ELMOD1: variants seen among roughly 807,000 people sequenced by gnomAD.
ELMOD1 encodes ELMO domain-containing protein 1.
A neutral mutation model predicts 46.7 loss-of-function variants in ELMOD1; 21 were observed. The observed-to-expected ratio is 0.45, with a 90% CI of 0.32 to 0.65. The LOEUF is 0.65. Among genes scored for constraint, ELMOD1 ranks in the 30% least tolerant of loss-of-function variants. The pLI is 0.04. For missense variants in ELMOD1, 348 were observed against 407.8 expected (o/e 0.85, Z 1.26); for synonymous variants, 122 against 138.2 (o/e 0.88, Z 0.82).
At chr11:107,605,470 G>A (rs141994105) in intron 1 of ELMOD1, among the ~76,000 whole-genome samples, 121 of 152,152 alleles carry the variant, frequency 8.0e-4, no homozygotes, top group South Asian at 2.1e-3. Context: ...AAAAGTGCTG[G>A]GATTATGGGC....
chr11:107,652,043 C>CT (rs1255079483), intron 9 of ELMOD1, among the ~76,000 whole-genome samples: 1 of 152,152 alleles, frequency 6.6e-6, no homozygotes, highest in Non-Finnish European at 1.5e-5. Flanking sequence ...AAAATTACCA[C>CT]GCTTTATCCC....
intron 6 of ELMOD1, among the ~76,000 whole-genome samples, chr11:107,641,871 T>G (rs1866328926): frequency 6.7e-6 from 1 of 150,162 alleles, no homozygotes; most frequent in Non-Finnish European, 1.5e-5. Flanking sequence ...TTACAATATC[T>G]AAACTCAGAG....
At chr11:107,601,508 T>G (rs1445321497) in intron 1 of ELMOD1, among the ~76,000 whole-genome samples, 1 of 149,088 alleles carries the variant, frequency 6.7e-6, no homozygotes, top group African/African-American at 2.5e-5. Flanking sequence ...CTCTGTCTCC[T>G]AAGTTCAAGC....
In ELMOD1 at chr11:107,601,482, C is replaced by T. The variant is rs1408715918; in HGVS notation, c.-86+10073C>T. On this transcript the variant is annotated intron_variant, in intron 1 of 11. Transcript: ENST00000265840. The stretch of plus-strand genomic sequence containing the variant: ...CCAGGCTGGAGTGCAGTGGCATGAT[C>T]TTGGCTTACTGCAACCTCTGTCTCC... 5.1e-5 allele frequency among the ~76,000 whole-genome samples: 7 copies of T among 138,520 alleles called. No homozygotes were observed. In the East Asian group the frequency reaches 1.5e-3, roughly 30 times the overall value. 90.9% of individuals were successfully genotyped at this position (138,520 alleles called of 152,430 possible). A position where few individuals can be genotyped will look rare whatever the true frequency, so the allele number is the denominator to read the frequency against.
intron 2 of ELMOD1, among the ~76,000 whole-genome samples, chr11:107,619,359 G>C (rs974997458): frequency 9.8e-5 from 15 of 152,332 alleles, no homozygotes; most frequent in African/African-American, 3.6e-4. Context: ...TGCCAGCCAA[G>C]TATTTGACCT....
At chr11:107,659,739 G>A (rs954024238) in intron 11 of ELMOD1, among the ~76,000 whole-genome samples, 5 of 151,816 alleles carry the variant, frequency 3.3e-5, no homozygotes, top group African/African-American at 1.2e-4. Flanking sequence ...TTTTTTGCAG[G>A]AGAAAGGAGA....
chr11:107,628,955 T>C (rs1470609956), intron 2 of ELMOD1, among the ~76,000 whole-genome samples: 1 of 152,164 alleles, frequency 6.6e-6, no homozygotes, highest in Non-Finnish European at 1.5e-5. Flanking sequence ...CCCATACATA[T>C]TTCTTTTTAA....
chr11:107,610,006 A>G (rs114140114), intron 1 of ELMOD1, among the ~76,000 whole-genome samples: 2,699 of 152,280 alleles, frequency 0.018, 79 homozygotes, highest in African/African-American at 0.062. Flanking sequence ...CTGGTAAAAA[A>G]GTACTTTTCT....
In ELMOD1 at chr11:107,597,845, CA is replaced by C. The variant is rs1255494327; in HGVS notation, c.-86+6437del. Among the ~76,000 whole-genome samples, 4 of 152,056 alleles carry C rather than the reference CA, an allele frequency of 2.6e-5. No individual in the cohort carries two copies. The East Asian group carries it at 5.8e-4, about 22-fold the overall frequency. On this transcript the variant is annotated intron_variant, in intron 1 of 11. Coordinates refer to ENST00000265840, the MANE Select transcript of ELMOD1 (RefSeq NM_018712.4). ...CAGGTATTCTTTAATAATCTAAGAT[CA>C]TATTTGAAATTCTAGTTCAAAATGA...
chr11:107,631,608 C>A lies in ELMOD1; in HGVS notation c.221C>A (p.Pro74His), dbSNP rs1356870807. The change falls in exon 5 of 12, where the codon CCC becomes CAC. Residue 74 changes from proline (P) to histidine (H), a missense_variant. Transcript: ENST00000265840. Reference protein sequence around the residue: ...KLLQTSVSVHPDAIEKTIEDI... With the variant: ...KLLQTSVSVHHDAIEKTIEDI... Reference sequence around the variant, plus strand: ...TTGCAGACTTCTGTGAGTGTTCACCCCGACGCTATTGAAAAAACTATAGAA... The same window carrying A: ...TTGCAGACTTCTGTGAGTGTTCACCACGACGCTATTGAAAAAACTATAGAA... The A allele has an allele frequency of 6.4e-7, 1 of 1,565,362 alleles. No individual in the cohort carries two copies. The highest frequency in any genetic ancestry group is 2.3e-5 in the East Asian group (1 of 42,572).
intron 9 of ELMOD1, chr11:107,653,523 C>G (rs1393515407): frequency 2.0e-5 from 3 of 151,778 alleles, no homozygotes; most frequent in African/African-American, 7.3e-5. Flanking sequence ...TTTTTAAAAC[C>G]TGTAAATGCT....
Position 107,647,666 on chromosome 11 carries a change from A to C in ELMOD1, c.554+65A>C, listed in dbSNP as rs189813275. 102 of 1,510,958 alleles carry C rather than the reference A, an allele frequency of 6.8e-5. No homozygotes were observed. The East Asian group carries it at 2.4e-3, about 36-fold the overall frequency. 93.6% of individuals were successfully genotyped at this position (1,510,958 alleles called of 1,614,324 possible). On this transcript the variant is annotated intron_variant, in intron 7 of 11. Coordinates refer to ENST00000265840, the MANE Select transcript of ELMOD1 (RefSeq NM_018712.4). ...TTTGGTCTCCTCATACTGAAATGGCAAAAGTTGAGTAATTAGCTTCAAAAG... is the reference window on the plus strand; with the variant it reads ...TTTGGTCTCCTCATACTGAAATGGCCAAAGTTGAGTAATTAGCTTCAAAAG...
intron 11 of ELMOD1, among the ~76,000 whole-genome samples, chr11:107,660,353 A>G (rs1173312272): frequency 2.0e-5 from 3 of 152,214 alleles, no homozygotes; most frequent in Non-Finnish European, 4.4e-5. Flanking sequence ...TTACAGTATT[A>G]TTCGGTGAAC....
At chr11:107,626,610 CTTCT>C (rs140939362) in intron 2 of ELMOD1, among the ~76,000 whole-genome samples, 15 of 134,658 alleles carry the variant, frequency 1.1e-4, no homozygotes, top group Non-Finnish European at 1.9e-4. Context: ...ATCTTCTTTC[CTTCT>C]TTCTTTCTTT....
intron 2 of ELMOD1, among the ~76,000 whole-genome samples, chr11:107,624,800 C>G (rs1866013418): frequency 6.6e-6 from 1 of 152,158 alleles, no homozygotes; most frequent in African/African-American, 2.4e-5. Flanking sequence ...CTAGTGCTCT[C>G]TAAGCCTTCA....
At chr11:107,607,178 A>C (rs1239281376) in intron 1 of ELMOD1, among the ~76,000 whole-genome samples, 1 of 152,194 alleles carries the variant, frequency 6.6e-6, no homozygotes, top group African/African-American at 2.4e-5. Flanking sequence ...GGGCTGATTG[A>C]GGGATGTCAC....
chr11:107,631,775 T>C (rs1339397987), intron 5 of ELMOD1, 98 bp downstream of exon 5: 1 of 578,844 alleles, frequency 1.7e-6, no homozygotes, highest in South Asian at 3.6e-5. Flanking sequence ...TCTCCCTCTC[T>C]CCCTAAAATA....
At chr11:107,636,877 G>A (rs1866238383) in intron 6 of ELMOD1, among the ~76,000 whole-genome samples, 2 of 152,044 alleles carry the variant, frequency 1.3e-5, no homozygotes, top group South Asian at 2.1e-4. Context: ...TCTGATGGAG[G>A]TAGTTCAACA....
intron 2 of ELMOD1, among the ~76,000 whole-genome samples, chr11:107,624,344 C>T (rs1227383724): frequency 6.6e-6 from 1 of 152,114 alleles, no homozygotes; most frequent in South Asian, 2.1e-4. Flanking sequence ...TAAAACATAA[C>T]CTGATTTTAA....
Sources: allele counts gnomAD v4.1 joint callset (sites outside exome capture counted in the v4.1 genomes callset), GRCh38; gene constraint gnomAD v4.1.1; transcripts MANE v1.5; gene names NCBI Gene and HGNC (gene_info 2026-07-23, HGNC 2026-07-21).